The following ARHGAP6 variants were observed in gnomAD, a reference collection of about 807,000 sequenced individuals.
ARHGAP6 encodes Rho GTPase activating protein 6.
ARHGAP6 carries 16 observed loss-of-function variants against 55.7 expected under a neutral mutation model. That is an observed-to-expected ratio of 0.29 (90% CI 0.19 to 0.44). ARHGAP6 has a LOEUF of 0.44. Ranked by LOEUF, ARHGAP6 falls within the 20% of genes least tolerant of loss-of-function variation. ARHGAP6 has a pLI of 1.00. For synonymous variants in ARHGAP6, 382 were observed against 360.9 expected (o/e 1.06, Z -0.66); for missense variants, 698 against 808.9 (o/e 0.86, Z 1.66).
intron 1 of ARHGAP6, among the ~76,000 whole-genome samples, chrX:11,331,030 C>T (rs2048557084): frequency 8.9e-6 from 1 of 111,819 alleles, no homozygotes; most frequent in African/African-American, 3.3e-5. Flanking sequence ...CCCATTTTGC[C>T]CTAAGGATAG....
chrX:11,282,722 G>T (rs2047872996), intron 1 of ARHGAP6, among the ~76,000 whole-genome samples: 1 of 112,251 alleles, frequency 8.9e-6, no homozygotes, highest in South Asian at 3.7e-4. Context: ...CATAGCAAGA[G>T]TTGGAGCCAA....
intron 1 of ARHGAP6, among the ~76,000 whole-genome samples, chrX:11,480,592 C>T (rs972322276): frequency 8.9e-6 from 1 of 112,224 alleles, no homozygotes; most frequent in African/African-American, 3.2e-5. Context: ...AGTTCAAATG[C>T]GTGAATTGTA....
chrX:11,434,424 C>T (rs1271506184), intron 1 of ARHGAP6, among the ~76,000 whole-genome samples: 1 of 111,440 alleles, frequency 9.0e-6, no homozygotes, highest in Non-Finnish European at 1.9e-5. Context: ...CTCCACGCAA[C>T]ACTGTGTGTT....
chrX:11,344,709 AGAAAGAAAAG>A (rs1314583009), intron 1 of ARHGAP6, among the ~76,000 whole-genome samples: 3 of 103,647 alleles, frequency 2.9e-5, no homozygotes, highest in Non-Finnish European at 5.9e-5. Flanking sequence ...AAAAAAGAAA[AGAAAGAAAAG>A]AAAAGAAAAG....
At chrX:11,594,468 C>T (rs1407408190) in intron 1 of ARHGAP6, among the ~76,000 whole-genome samples, 7 of 111,582 alleles carry the variant, frequency 6.3e-5, no homozygotes. Context: ...TCATCAGCTC[C>T]CCCATCACAG....
At chrX:11,196,901 T>C (rs766505532) in intron 3 of ARHGAP6, 24 bp downstream of exon 3, 1 of 879,106 alleles carries the variant, frequency 1.1e-6, no homozygotes, top group South Asian at 2.1e-5. Flanking sequence ...AAGATGCATT[T>C]ACATTGGGTA....
chrX:11,647,785 G>A (rs2052545212), intron 1 of ARHGAP6, among the ~76,000 whole-genome samples: 1 of 112,312 alleles, frequency 8.9e-6, no homozygotes, highest in African/African-American at 3.2e-5. Flanking sequence ...GATGTTTTAT[G>A]TATTCTTCCA....
At chrX:11,629,581 TC>T (rs1177255157) in intron 1 of ARHGAP6, among the ~76,000 whole-genome samples, 2 of 110,473 alleles carry the variant, frequency 1.8e-5, no homozygotes, top group African/African-American at 6.6e-5. Flanking sequence ...GGACATTGAA[TC>T]CTTAATAAAA....
intron 1 of ARHGAP6, among the ~76,000 whole-genome samples, chrX:11,638,090 G>A (rs187053894): frequency 9.0e-6 from 1 of 111,446 alleles, no homozygotes; most frequent in East Asian, 2.8e-4. Context: ...GCATCCAGTG[G>A]TTGGGCACCC....
intron 1 of ARHGAP6, among the ~76,000 whole-genome samples, chrX:11,501,325 C>T (rs892714625): frequency 1.7e-4 from 19 of 111,202 alleles, no homozygotes; most frequent in African/African-American, 6.2e-4. Context: ...TGGTGCACAC[C>T]GGTAGTCCTA....
chrX:11,643,756 C>G (rs1222419069), intron 1 of ARHGAP6, among the ~76,000 whole-genome samples: 1 of 111,322 alleles, frequency 9.0e-6, no homozygotes, highest in African/African-American at 3.3e-5. Flanking sequence ...GCACAAGTGA[C>G]AGTGCATAGT....
chrX:11,428,280 T>TC (rs1458894841), intron 1 of ARHGAP6, among the ~76,000 whole-genome samples: 2 of 111,355 alleles, frequency 1.8e-5, no homozygotes, highest in Non-Finnish European at 1.9e-5. Context: ...AGGAACCAAG[T>TC]CATGCTACCC....
At chrX:11,662,640 C>A (rs2052714508) in intron 1 of ARHGAP6, among the ~76,000 whole-genome samples, 2 of 112,450 alleles carry the variant, frequency 1.8e-5, no homozygotes, top group Non-Finnish European at 3.8e-5. Context: ...CAAGTGAAAT[C>A]ATCTACAGCC....
chrX:11,486,663 C>G (rs1485406139), intron 1 of ARHGAP6, among the ~76,000 whole-genome samples: 1 of 111,667 alleles, frequency 9.0e-6, no homozygotes, highest in Non-Finnish European at 1.9e-5. Context: ...TGACTCAGCA[C>G]AGTGTATCAA....
chrX:11,617,065 G>A (rs2052174693), intron 1 of ARHGAP6, among the ~76,000 whole-genome samples: 1 of 112,162 alleles, frequency 8.9e-6, no homozygotes, highest in South Asian at 3.7e-4. Flanking sequence ...TGCAGCTATT[G>A]AGCACATGAA....
chrX:11,186,198 G>A (rs377285503), intron 5 of ARHGAP6, 38 bp downstream of exon 5: 2 of 1,124,412 alleles, frequency 1.8e-6, no homozygotes, highest in African/African-American at 1.8e-5. Flanking sequence ...TTGAATAAAT[G>A]AAAGTCCTTA....
chrX:11,317,132 T>C (rs945685760), intron 1 of ARHGAP6, among the ~76,000 whole-genome samples: 7 of 112,426 alleles, frequency 6.2e-5, no homozygotes, highest in African/African-American at 2.3e-4. Context: ...GTGAGGGAAA[T>C]GTGGCTGGAA....
At chrX:11,306,099 C>A (rs1489214169) in intron 1 of ARHGAP6, among the ~76,000 whole-genome samples, 3 of 111,679 alleles carry the variant, frequency 2.7e-5, no homozygotes, top group Non-Finnish European at 3.8e-5. Flanking sequence ...TAGAAATCTT[C>A]TCTCACTGCT....
At chrX:11,152,710 T>C (rs1328460544) in intron 10 of ARHGAP6, among the ~76,000 whole-genome samples, 1 of 112,236 alleles carries the variant, frequency 8.9e-6, no homozygotes, top group Non-Finnish European at 1.9e-5. Flanking sequence ...TTGATTCCCT[T>C]CCTTTGTCAA....
Sources: allele counts gnomAD v4.1 joint callset (sites outside exome capture counted in the v4.1 genomes callset), GRCh38; gene constraint gnomAD v4.1.1; transcripts MANE v1.5; gene names NCBI Gene and HGNC (gene_info 2026-07-23, HGNC 2026-07-21).